The following RALGAPA2 variants were observed in gnomAD, a reference collection of about 807,000 sequenced individuals.
The protein encoded by RALGAPA2 is Ral GTPase activating protein catalytic subunit alpha 2.
Under a neutral mutation model 230.4 loss-of-function variants are expected in RALGAPA2, and 139 were observed. That is an observed-to-expected ratio of 0.60 (90% CI 0.53 to 0.69). The LOEUF (loss-of-function observed/expected upper bound fraction) is 0.69. RALGAPA2 is among the 30% of genes least tolerant of loss of function. RALGAPA2 has a pLI of 0.00. For synonymous variants in RALGAPA2, 847 were observed against 837.8 expected (o/e 1.01, Z -0.19); for missense variants, 2,163 against 2,276.0 (o/e 0.95, Z 1.01).
intron 1 of RALGAPA2, among the ~76,000 whole-genome samples, chr20:20,696,135 G>T (rs1156468748): frequency 6.6e-6 from 1 of 152,070 alleles, no homozygotes; most frequent in African/African-American, 2.4e-5. Context: ...TGTCCCACTG[G>T]CCACAAAGTG....
chr20:20,533,479 C>T (rs755860291), intron 26 of RALGAPA2, among the ~76,000 whole-genome samples: 2 of 152,020 alleles, frequency 1.3e-5, no homozygotes, highest in African/African-American at 4.8e-5. Context: ...AATCACATAG[C>T]CTCAAAATAT....
chr20:20,463,500 A>G (rs139144093), intron 37 of RALGAPA2, among the ~76,000 whole-genome samples: 3 of 152,322 alleles, frequency 2.0e-5, no homozygotes, highest in Admixed American at 2.0e-4. Flanking sequence ...GAAAATTAAT[A>G]AATTTAGACT....
intron 4 of RALGAPA2, among the ~76,000 whole-genome samples, chr20:20,647,796 C>G (rs375244909): frequency 6.6e-6 from 1 of 151,738 alleles, no homozygotes; most frequent in Non-Finnish European, 1.5e-5. Context: ...TAAAAAGATG[C>G]TTAAGATTAT....
intron 1 of RALGAPA2, among the ~76,000 whole-genome samples, chr20:20,695,091 C>T (rs545447509): frequency 1.3e-5 from 2 of 152,246 alleles, no homozygotes; most frequent in South Asian, 4.1e-4. Flanking sequence ...TTTTTCCAAA[C>T]CTGTCTTACT....
At chr20:20,683,306 C>T (rs1016580531) in intron 1 of RALGAPA2, among the ~76,000 whole-genome samples, 9 of 152,156 alleles carry the variant, frequency 5.9e-5, no homozygotes, top group African/African-American at 2.2e-4. Context: ...TTCCCCATAG[C>T]GGCCAACTCG....
At chr20:20,443,278 G>C (rs1223274363) in intron 37 of RALGAPA2, among the ~76,000 whole-genome samples, 1 of 152,204 alleles carries the variant, frequency 6.6e-6, no homozygotes, top group Non-Finnish European at 1.5e-5. Flanking sequence ...TCCTGGATGA[G>C]GAAGGATGCA....
chr20:20,598,630 G>A (rs892719740), intron 16 of RALGAPA2: 18 of 415,436 alleles, frequency 4.3e-5, no homozygotes, highest in South Asian at 6.7e-5. Context: ...AGAGGCAAGC[G>A]GGAGAAGCCC....
chr20:20,618,079 C>T (rs548700953), intron 12 of RALGAPA2, among the ~76,000 whole-genome samples: 323 of 152,280 alleles, frequency 2.1e-3, no homozygotes, highest in Non-Finnish European at 4.0e-3. Flanking sequence ...AACCATGTTA[C>T]TCAAAGACCT....
At chr20:20,462,065 A>G (rs1202634258) in intron 37 of RALGAPA2, among the ~76,000 whole-genome samples, 1 of 152,238 alleles carries the variant, frequency 6.6e-6, no homozygotes, top group Non-Finnish European at 1.5e-5. Flanking sequence ...AGGACCAAAG[A>G]GGAAGATTGA....
At chr20:20,420,131 C>T (rs2060247138) in intron 37 of RALGAPA2, among the ~76,000 whole-genome samples, 1 of 152,120 alleles carries the variant, frequency 6.6e-6, no homozygotes, top group Non-Finnish European at 1.5e-5. Context: ...CAGAGAATGC[C>T]ATGAGCGGGA....
Position 20,499,319 on chromosome 20 carries a change from T to C in RALGAPA2, c.5208+4032A>G, listed in dbSNP as rs368279181. ...GCATTTTATCAAGAAAACATGTCTT[T>C]TCTCAAAAAAGAAAAAACAGTCCTA... On this transcript the variant is annotated intron_variant, in intron 35 of 39. Coordinates refer to ENST00000202677, the MANE Select transcript of RALGAPA2 (RefSeq NM_020343.4). Among the ~76,000 whole-genome samples the C allele has an allele frequency of 4.6e-5, 7 of 152,222 alleles. No homozygotes were observed. In the East Asian group the frequency reaches 1.3e-3, roughly 29 times the overall value.
At position 20,640,725 on chromosome 20, in the gene RALGAPA2, T is replaced by G; in HGVS notation, c.526A>C (p.Asn176His). The change falls in exon 6 of 40, where the codon AAT (asparagine) becomes CAT (histidine). Residue 176 changes from asparagine (N) to histidine (H), a missense_variant. Transcript: ENST00000202677. ...RGPCTLETLI[N>H]PSPSVADVKI... ...CCATCAGCTACACTAGGGCTGGGAT[T>G]GATGAGTGTCTCCAGTGTGCAAGGG... 6.2e-7 allele frequency: 1 copy of G among 1,613,764 alleles called. No individual in the cohort carries two copies. Among genetic ancestry groups the G allele is most frequent in the Non-Finnish European group, 8.5e-7 (1 of 1,179,780 alleles).
chr20:20,517,325 G>C (rs1470850051), intron 31 of RALGAPA2, among the ~76,000 whole-genome samples: 1 of 152,210 alleles, frequency 6.6e-6, no homozygotes, highest in Non-Finnish European at 1.5e-5. Context: ...TTGCTGGCCT[G>C]ACAGGGGAGG....
chr20:20,605,536 T>C, intron 14 of RALGAPA2, 124 bp from the exon 15 acceptor site: 1 of 775,406 alleles, frequency 1.3e-6, no homozygotes. Flanking sequence ...CTTTTGGAAG[T>C]TGTTTTTCTT....
At chr20:20,509,298 T>TTA (rs2062630231) in intron 33 of RALGAPA2, among the ~76,000 whole-genome samples, 1 of 152,218 alleles carries the variant, frequency 6.6e-6, no homozygotes. Context: ...TTCTAATGAC[T>TTA]TTAAAAAATT....
chr20:20,639,941 TA>T (rs1403652906), intron 6 of RALGAPA2, 41 bp from the exon 7 acceptor site: 3 of 1,439,800 alleles, frequency 2.1e-6, no homozygotes, highest in Non-Finnish European at 2.9e-6. Flanking sequence ...TCACCAAAGT[TA>T]AATTTTAAAC....
chr20:20,521,166 A>G, intron 30 of RALGAPA2, 66 bp from the exon 31 acceptor site: 4 of 1,398,460 alleles, frequency 2.9e-6, no homozygotes, highest in Non-Finnish European at 3.9e-6. Flanking sequence ...CAATCTGTCA[A>G]ACTACTGCAG....
chr20:20,522,244 T>C (rs949891382), intron 30 of RALGAPA2, among the ~76,000 whole-genome samples: 1 of 143,736 alleles, frequency 7.0e-6, no homozygotes, highest in South Asian at 2.2e-4. Context: ...TGCATACGTA[T>C]ATGTACAAAA....
At chr20:20,556,681 G>A (rs1236322034) in intron 23 of RALGAPA2, among the ~76,000 whole-genome samples, 1 of 152,188 alleles carries the variant, frequency 6.6e-6, no homozygotes, top group Non-Finnish European at 1.5e-5. Flanking sequence ...GATAACAGTG[G>A]AAGCCACTCA....
Sources: gnomAD v4.1 joint callset for allele counts (sites outside exome capture counted in the v4.1 genomes callset) on GRCh38, gnomAD v4.1.1 for gene constraint, MANE v1.5 for transcripts, NCBI Gene and HGNC (gene_info 2026-07-23, HGNC 2026-07-21) for gene names.